SCAI: variants seen among roughly 807,000 people sequenced by gnomAD.
SCAI encodes the protein suppressor of cancer cell invasion.
In SCAI, 24 loss-of-function variants were observed where a neutral mutation model predicts 92.2. That is an observed-to-expected ratio of 0.26 (90% CI 0.19 to 0.37). The LOEUF is 0.37. Among genes scored for constraint, SCAI ranks in the 10% least tolerant of loss-of-function variants. The probability of loss-of-function intolerance (pLI) is 1.00; values close to 1 mark genes in which losing one functional copy is unlikely to be tolerated. For synonymous variants in SCAI, 261 were observed against 258.6 expected, an observed-to-expected ratio of 1.01 and a Z score of -0.09; for missense variants, 450 against 736.2, an observed-to-expected ratio of 0.61 and a Z score of 4.50.
chr9:124,970,901 G>A (rs983005476), intron 17 of SCAI, among the ~76,000 whole-genome samples: 13 of 151,854 alleles, frequency 8.6e-5, no homozygotes, highest in East Asian at 5.9e-4. Context: ...CACAACCTCC[G>A]CCTCCTGGGT....
intron 2 of SCAI, among the ~76,000 whole-genome samples, chr9:125,088,777 T>C (rs1834371602): frequency 6.6e-6 from 1 of 152,252 alleles, no homozygotes; most frequent in South Asian, 2.1e-4. Context: ...CATGCCTGGA[T>C]GTATTATTTT....
Position 125,119,593 on chromosome 9 carries a change from C to T in SCAI, c.98+23040G>A, listed in dbSNP as rs149003442. 6.0e-3 allele frequency among the ~76,000 whole-genome samples: 920 copies of T among 152,280 alleles called. 5 individuals are homozygous for T. The highest frequency in any genetic ancestry group is 0.011 in the Non-Finnish European group (754 of 68,026). On this transcript the variant is annotated intron_variant, in intron 2 of 17. Transcript: ENST00000336505. ...TCTTGTTCTTGTTCTTACAGTTCAA[C>T]GTATAGTATGATCTCTAAACTCCGG...
intron 2 of SCAI, among the ~76,000 whole-genome samples, chr9:125,105,407 A>C (rs2131219329): frequency 1.3e-5 from 2 of 152,358 alleles, no homozygotes; most frequent in South Asian, 4.1e-4. Flanking sequence ...ATACTGGGCA[A>C]ACTATCTGTA....
chr9:125,076,714 T>C (rs1834098261), intron 2 of SCAI, among the ~76,000 whole-genome samples: 1 of 152,040 alleles, frequency 6.6e-6, no homozygotes, highest in Admixed American at 6.6e-5. Flanking sequence ...CTTTCTTTTT[T>C]TTTTGAGACA....
intron 2 of SCAI, among the ~76,000 whole-genome samples, chr9:125,086,371 G>A (rs887991021): frequency 1.3e-5 from 2 of 152,150 alleles, no homozygotes; most frequent in East Asian, 1.9e-4. Flanking sequence ...GCTACCACAG[G>A]TGGTCAGAGA....
chr9:124,963,081 G>T (rs890368448), intron 17 of SCAI, among the ~76,000 whole-genome samples: 2 of 151,288 alleles, frequency 1.3e-5, no homozygotes, highest in African/African-American at 4.9e-5. Context: ...TTACAGGCGT[G>T]AGCCACCACA....
chr9:125,114,768 CTTTTTT>C (rs10541713), intron 2 of SCAI, among the ~76,000 whole-genome samples: 23,486 of 82,084 alleles, frequency 0.29, 2,253 homozygotes, highest in East Asian at 0.37. Context: ...CCACACCCGG[CTTTTTT>C]TTTTTTTTTT....
At chr9:125,031,673 TG>T (rs1246578230) in intron 3 of SCAI, among the ~76,000 whole-genome samples, 2 of 152,262 alleles carry the variant, frequency 1.3e-5, no homozygotes, top group Non-Finnish European at 2.9e-5. Flanking sequence ...TTTCCATTTA[TG>T]GTACAAACAT....
At chr9:125,068,196 T>A (rs889760174) in intron 2 of SCAI, among the ~76,000 whole-genome samples, 2 of 152,170 alleles carry the variant, frequency 1.3e-5, no homozygotes, top group Non-Finnish European at 2.9e-5. Context: ...AAGTTTTTAA[T>A]CCAGCAAAAC....
chr9:125,109,565 T>C (rs1208430254), intron 2 of SCAI, among the ~76,000 whole-genome samples: 3 of 152,196 alleles, frequency 2.0e-5, no homozygotes, highest in African/African-American at 7.2e-5. Context: ...CCCTTATCAG[T>C]AACCCATTAC....
At chr9:125,125,597 A>C (rs1835246612) in intron 2 of SCAI, among the ~76,000 whole-genome samples, 1 of 152,064 alleles carries the variant, frequency 6.6e-6, no homozygotes, top group African/African-American at 2.4e-5. Context: ...CTTAAGGCCA[A>C]GGTGGGTGAA....
intron 2 of SCAI, among the ~76,000 whole-genome samples, chr9:125,138,875 G>A (rs937278106): frequency 1.7e-4 from 26 of 152,182 alleles, no homozygotes; most frequent in African/African-American, 5.6e-4. Context: ...ATATAGATGA[G>A]GAAACTGAGG....
chr9:125,069,385 T>G (rs1189374856), intron 2 of SCAI, among the ~76,000 whole-genome samples: 1 of 150,440 alleles, frequency 6.6e-6, no homozygotes, highest in African/African-American at 2.4e-5. Flanking sequence ...TGGCGTGATC[T>G]TGGCTCACTG....
In SCAI at chr9:125,045,994, T is replaced by C. The variant is rs144499980; in HGVS notation, c.230+9882A>G. On this transcript the variant is annotated intron_variant, in intron 3 of 17. Transcript: ENST00000336505. ...AGTACAACCACTATGGAAAACAGTGTGGAGATTCCTTAAATGACTAAAAGT... is the reference window on the plus strand; with the variant it reads ...AGTACAACCACTATGGAAAACAGTGCGGAGATTCCTTAAATGACTAAAAGT... Among the ~76,000 whole-genome samples, 27 of 151,700 alleles carry C rather than the reference T, an allele frequency of 1.8e-4. No homozygotes were observed. The East Asian group carries it at 5.3e-3, about 30-fold the overall frequency.
At chr9:125,141,574 T>G (rs1835666778) in intron 2 of SCAI, among the ~76,000 whole-genome samples, 1 of 152,260 alleles carries the variant, frequency 6.6e-6, no homozygotes, top group Admixed American at 6.5e-5. Context: ...CTACTTAAAC[T>G]CTTTGCTTCT....
intron 2 of SCAI, among the ~76,000 whole-genome samples, chr9:125,128,082 G>C (rs758043098): frequency 2.0e-5 from 3 of 152,078 alleles, no homozygotes; most frequent in Non-Finnish European, 4.4e-5. Context: ...GGAGGCTGGG[G>C]CAGAAGGATT....
At chr9:125,122,532 T>A (rs935161769) in intron 2 of SCAI, among the ~76,000 whole-genome samples, 15 of 134,146 alleles carry the variant, frequency 1.1e-4, no homozygotes, top group African/African-American at 4.3e-4. Flanking sequence ...GAGGTTGCAG[T>A]GAACCAAGAT....
intron 17 of SCAI, among the ~76,000 whole-genome samples, chr9:124,957,422 G>C (rs1000475919): frequency 4.6e-5 from 7 of 151,794 alleles, no homozygotes; most frequent in African/African-American, 1.2e-4. Context: ...GAGTGCAGTG[G>C]TGCAATCTCG....
intron 9 of SCAI, among the ~76,000 whole-genome samples, chr9:125,013,437 G>A (rs1832680086): frequency 6.6e-6 from 1 of 152,162 alleles, no homozygotes; most frequent in African/African-American, 2.4e-5. Flanking sequence ...TAGAAGAAAT[G>A]GATAAATTCC....
Sources: allele counts gnomAD v4.1 joint callset (sites outside exome capture counted in the v4.1 genomes callset), GRCh38; gene constraint gnomAD v4.1.1; transcripts MANE v1.5; gene names NCBI Gene and HGNC (gene_info 2026-07-23, HGNC 2026-07-21).